Variants in CDH10 observed in about 807,000 individuals in gnomAD.
CDH10 encodes the protein cadherin-10.
In CDH10, 30 loss-of-function variants were observed where a neutral mutation model predicts 73.1. The ratio of observed to expected loss-of-function variants is 0.41; its 90% CI spans 0.31 to 0.56. CDH10 has a LOEUF of 0.56. Among genes scored for constraint, CDH10 ranks in the 20% least tolerant of loss-of-function variants. The pLI is 0.27. For missense variants in CDH10, 815 were observed against 973.7 expected, an observed-to-expected ratio of 0.84 and a Z score of 2.17; for synonymous variants, 345 against 348.2, an observed-to-expected ratio of 0.99 and a Z score of 0.10.
In CDH10 at chr5:24,578,147, T is replaced by C. The variant is rs118103196; in HGVS notation, c.231+15113A>G. The C allele has an allele frequency of 5.4e-4, 88 of 161,666 alleles. No individual in the cohort carries two copies. In the East Asian group the frequency reaches 0.012, roughly 22 times the overall value. 10.0% of individuals were successfully genotyped at this position (161,666 alleles called of 1,614,324 possible). ...AATGGGGCAGCAGCTAGATCTTTCA[T>C]AAAATAGGTGTCCAAAATGAGAAGA... On this transcript the variant is annotated intron_variant, in intron 2 of 11. Coordinates refer to ENST00000264463, the MANE Select transcript of CDH10 (RefSeq NM_006727.5).
Position 24,542,182 on chromosome 5 carries a change from A to T in CDH10, c.232-4508T>A, listed in dbSNP as rs1028154515. Among the ~76,000 whole-genome samples the T allele has an allele frequency of 9.2e-5, 14 of 152,158 alleles. No individual in the cohort carries two copies. In the East Asian group the frequency reaches 9.6e-4, roughly 10 times the overall value. On this transcript the variant is annotated intron_variant, in intron 2 of 11. Coordinates refer to ENST00000264463, the MANE Select transcript of CDH10 (RefSeq NM_006727.5). ...CCTATCTAGTTTAAGACCATTTTAA[A>T]AAATTATTTTTAAAGAGGAGGAAAA...
chr5:24,626,177 C>A (rs1747491291), intron 1 of CDH10, among the ~76,000 whole-genome samples: 1 of 152,028 alleles, frequency 6.6e-6, no homozygotes, highest in Admixed American at 6.6e-5. Flanking sequence ...TTTTGGTTCC[C>A]AAAACAATGT....
chr5:24,613,400 T>G (rs1030878751), intron 1 of CDH10, among the ~76,000 whole-genome samples: 2 of 151,998 alleles, frequency 1.3e-5, no homozygotes, highest in Non-Finnish European at 1.5e-5. Flanking sequence ...AGAGGAAGAC[T>G]ACGTCGTCTT....
intron 1 of CDH10, among the ~76,000 whole-genome samples, chr5:24,611,490 T>C (rs929154512): frequency 2.0e-5 from 3 of 152,132 alleles, no homozygotes; most frequent in Admixed American, 6.6e-5. Flanking sequence ...CTTCAAACAA[T>C]AGACTGTTCA....
intron 2 of CDH10, among the ~76,000 whole-genome samples, chr5:24,559,395 A>C (rs1744876323): frequency 1.3e-5 from 2 of 151,974 alleles, no homozygotes; most frequent in South Asian, 4.1e-4. Context: ...ATTCACAATA[A>C]ATTATCTTTT....
intron 8 of CDH10, among the ~76,000 whole-genome samples, chr5:24,504,670 C>T (rs528992138): frequency 2.0e-5 from 3 of 151,574 alleles, no homozygotes; most frequent in Non-Finnish European, 2.9e-5. Flanking sequence ...GGACTACAGG[C>T]GCCCGCCACC....
chr5:24,610,165 G>T (rs539177819), intron 1 of CDH10, among the ~76,000 whole-genome samples: 102 of 152,210 alleles, frequency 6.7e-4, no homozygotes, highest in African/African-American at 2.3e-3. Flanking sequence ...TTCTTATGTT[G>T]CCAATTATTC....
At chr5:24,562,823 A>ATTT (rs1453838812) in intron 2 of CDH10, among the ~76,000 whole-genome samples, 51 of 143,404 alleles carry the variant, frequency 3.6e-4, no homozygotes, top group Admixed American at 5.6e-4. Context: ...CCTTTTTTTA[A>ATTT]AAAAACTTTG....
chr5:24,570,032 C>T (rs1745315493), intron 2 of CDH10, among the ~76,000 whole-genome samples: 1 of 151,978 alleles, frequency 6.6e-6, no homozygotes, highest in Non-Finnish European at 1.5e-5. Flanking sequence ...TCTCAAAGTC[C>T]TGGGATTACA....
chr5:24,635,313 G>T (rs1579492369), intron 1 of CDH10, among the ~76,000 whole-genome samples: 1 of 151,944 alleles, frequency 6.6e-6, no homozygotes, highest in African/African-American at 2.4e-5. Flanking sequence ...CTGACCTCAA[G>T]AAGGAGAATC....
At chr5:24,538,497 C>T (rs1744039876) in intron 2 of CDH10, among the ~76,000 whole-genome samples, 1 of 152,032 alleles carries the variant, frequency 6.6e-6, no homozygotes, top group Non-Finnish European at 1.5e-5. Context: ...GCTTTGCATG[C>T]CTTCATGTGG....
At chr5:24,555,041 G>A (rs2873985) in intron 2 of CDH10, among the ~76,000 whole-genome samples, 126,027 of 151,960 alleles carry the variant, frequency 0.83, 52,303 homozygotes, top group East Asian at 0.9. Flanking sequence ...TATTTTTGGA[G>A]TATAATTTTT....
At chr5:24,531,450 A>G (rs2111860448) in intron 5 of CDH10, among the ~76,000 whole-genome samples, 1 of 152,224 alleles carries the variant, frequency 6.6e-6, no homozygotes, top group Non-Finnish European at 1.5e-5. Flanking sequence ...CTGCTGATAA[A>G]GACATACACA....
At chr5:24,562,882 AT>A (rs1280509504) in intron 2 of CDH10, among the ~76,000 whole-genome samples, 12 of 152,130 alleles carry the variant, frequency 7.9e-5, no homozygotes, top group Non-Finnish European at 4.4e-5. Context: ...TAAATAACTT[AT>A]TTTTTCCTCA....
intron 1 of CDH10, among the ~76,000 whole-genome samples, chr5:24,617,595 C>A (rs2112159789): frequency 6.6e-6 from 1 of 152,052 alleles, no homozygotes; most frequent in Admixed American, 6.6e-5. Context: ...TTAAAAAGCT[C>A]TAAGAAAATA....
intron 5 of CDH10, among the ~76,000 whole-genome samples, chr5:24,532,799 C>A (rs1194457800): frequency 6.6e-6 from 1 of 151,946 alleles, no homozygotes; most frequent in Admixed American, 6.6e-5. Flanking sequence ...CCTAAGCCTC[C>A]TTTTCTTCTA....
chr5:24,618,461 C>T (rs1747198647), intron 1 of CDH10, among the ~76,000 whole-genome samples: 1 of 152,122 alleles, frequency 6.6e-6, no homozygotes, highest in South Asian at 2.1e-4. Flanking sequence ...ATTCTACAGC[C>T]TTGCACAAAT....
chr5:24,518,373 A>C (rs1400837714), intron 5 of CDH10, among the ~76,000 whole-genome samples: 4 of 151,734 alleles, frequency 2.6e-5, no homozygotes, highest in African/African-American at 9.6e-5. Context: ...AGAGACAGAT[A>C]TATATACACA....
chr5:24,575,537 T>G (rs1423828315), intron 2 of CDH10, among the ~76,000 whole-genome samples: 1 of 152,114 alleles, frequency 6.6e-6, no homozygotes, highest in Non-Finnish European at 1.5e-5. Flanking sequence ...GGGTTTTTGT[T>G]AAAATATAAT....
Sources: gnomAD v4.1 joint callset for allele counts (sites outside exome capture counted in the v4.1 genomes callset) on GRCh38, gnomAD v4.1.1 for gene constraint, MANE v1.5 for transcripts, NCBI Gene and HGNC (gene_info 2026-07-23, HGNC 2026-07-21) for gene names.